The following STRBP variants were observed in gnomAD, a reference collection of about 807,000 sequenced individuals.
The protein encoded by STRBP is spermatid perinuclear RNA-binding protein.
In STRBP, 13 loss-of-function variants were observed where a neutral mutation model predicts 80.1. The ratio of observed to expected loss-of-function variants is 0.16; its 90% CI spans 0.11 to 0.26. STRBP has a LOEUF of 0.26. Among genes scored for constraint, STRBP ranks in the 10% least tolerant of loss-of-function variants. The pLI, the probability that STRBP is intolerant of heterozygous loss-of-function variation, is 1.00. For missense variants in STRBP, 485 were observed against 815.2 expected, an observed-to-expected ratio of 0.59 and a Z score of 4.93; for synonymous variants, 284 against 291.2, an observed-to-expected ratio of 0.98 and a Z score of 0.25.
At chr9:123,185,817 A>G (rs573940968) in intron 2 of STRBP, among the ~76,000 whole-genome samples, 25 of 152,260 alleles carry the variant, frequency 1.6e-4, no homozygotes, top group Admixed American at 9.8e-4. Flanking sequence ...GTTCTAGACC[A>G]TCCTGGCTAA....
At chr9:123,202,806 T>G (rs1398495368) in intron 2 of STRBP, among the ~76,000 whole-genome samples, 1 of 152,170 alleles carries the variant, frequency 6.6e-6, no homozygotes, top group Non-Finnish European at 1.5e-5. Flanking sequence ...ACATCACACC[T>G]ACTCCATAAA....
chr9:123,114,909 C>T (rs965512140), intron 3 of STRBP: 3 of 305,438 alleles, frequency 9.8e-6, no homozygotes, highest in Non-Finnish European at 2.0e-5. Flanking sequence ...GCCATTCCTG[C>T]CTCTCCATCC....
intron 1 of STRBP, among the ~76,000 whole-genome samples, chr9:123,247,635 T>C (rs940356987): frequency 2.6e-5 from 4 of 152,168 alleles, no homozygotes; most frequent in Non-Finnish European, 5.9e-5. Flanking sequence ...AGTTTTCTCA[T>C]TTATAAAATG....
chr9:123,223,378 T>A (rs925893465), intron 2 of STRBP, among the ~76,000 whole-genome samples: 2 of 152,156 alleles, frequency 1.3e-5, no homozygotes, highest in Non-Finnish European at 2.9e-5. Flanking sequence ...CATATCAATA[T>A]TTGCTCATTA....
At chr9:123,210,030 A>G (rs2039654092) in intron 2 of STRBP, among the ~76,000 whole-genome samples, 1 of 152,198 alleles carries the variant, frequency 6.6e-6, no homozygotes, top group African/African-American at 2.4e-5. Flanking sequence ...CTTTTAAGAG[A>G]GGCTTATTTT....
At chr9:123,184,055 C>T (rs2038601113) in intron 3 of STRBP, 77 bp downstream of exon 3, 3 of 1,449,028 alleles carry the variant, frequency 2.1e-6, no homozygotes, top group Middle Eastern at 1.9e-4. Context: ...TTCATTTGCC[C>T]TCACTGTTAA....
intron 2 of STRBP, among the ~76,000 whole-genome samples, chr9:123,193,122 C>T: frequency 6.6e-6 from 1 of 152,192 alleles, no homozygotes; most frequent in East Asian, 1.9e-4. Flanking sequence ...CCTAATACTT[C>T]AGTTTATATA....
chr9:123,181,787 C>A (rs2038468833), intron 3 of STRBP, among the ~76,000 whole-genome samples: 1 of 35,940 alleles, frequency 2.8e-5, no homozygotes, highest in African/African-American at 1.3e-4. Context: ...GCAACAAGAG[C>A]AAAACTTCGT....
intron 17 of STRBP, among the ~76,000 whole-genome samples, chr9:123,129,571 G>A (rs1431553814): frequency 1.3e-5 from 2 of 152,046 alleles, no homozygotes; most frequent in African/African-American, 2.4e-5. Context: ...TCACCCTTGA[G>A]AACAGGATCA....
At chr9:123,209,702 T>C (rs770870680) in intron 2 of STRBP, among the ~76,000 whole-genome samples, 13 of 152,280 alleles carry the variant, frequency 8.5e-5, no homozygotes, top group Non-Finnish European at 1.5e-4. Flanking sequence ...AGTGCATACA[T>C]GGAAGTGACA....
At chr9:123,175,455 G>A (rs978990527) in intron 4 of STRBP, among the ~76,000 whole-genome samples, 1 of 152,146 alleles carries the variant, frequency 6.6e-6, no homozygotes, top group African/African-American at 2.4e-5. Flanking sequence ...AACTAGAAAG[G>A]AAGATAAATA....
chr9:123,165,010 C>T (rs1462326321), intron 6 of STRBP, among the ~76,000 whole-genome samples: 1 of 152,104 alleles, frequency 6.6e-6, no homozygotes, highest in East Asian at 1.9e-4. Flanking sequence ...TGACCGGGCA[C>T]GGTGGCTCAC....
intron 10 of STRBP, 92 bp from the exon 11 acceptor site, chr9:123,158,215 A>C: frequency 4.8e-6 from 7 of 1,471,186 alleles, no homozygotes; most frequent in Non-Finnish European, 5.7e-6. Flanking sequence ...ATAAATTCTG[A>C]CATTATAACA....
At chr9:123,265,223 CCGAT>C (rs1476202567) in intron 1 of STRBP, among the ~76,000 whole-genome samples, 1 of 151,872 alleles carries the variant, frequency 6.6e-6, no homozygotes, top group Non-Finnish European at 1.5e-5. Flanking sequence ...TTAACGGATT[CCGAT>C]TACTTAAAAT....
chr9:123,145,694 G>A (rs74852985), intron 13 of STRBP, among the ~76,000 whole-genome samples: 2,152 of 152,158 alleles, frequency 0.014, 53 homozygotes, highest in African/African-American at 0.049. Flanking sequence ...CTAAACTTGT[G>A]ACACATTCTC....
intron 2 of STRBP, among the ~76,000 whole-genome samples, chr9:123,196,193 C>G (rs577549998): frequency 6.6e-6 from 1 of 152,054 alleles, no homozygotes; most frequent in East Asian, 1.9e-4. Context: ...GGAAATTAGA[C>G]CCCTATCTTT....
intron 1 of STRBP, among the ~76,000 whole-genome samples, chr9:123,268,186 C>T (rs2132671415): frequency 6.6e-6 from 1 of 152,030 alleles, no homozygotes; most frequent in South Asian, 2.1e-4. Flanking sequence ...AGGAAGGCTG[C>T]CCGCTGCCCT....
rs1445019620 is a variant in STRBP, at chr9:123,126,768, A to AGT, written c.1943-1096_1943-1095insAC. On this transcript the variant is annotated intron_variant, in intron 18 of 18. Coordinates refer to ENST00000348403, the MANE Select transcript of STRBP (RefSeq NM_018387.5). The surrounding 1 kb of genome is among the most constrained non-coding windows in gnomAD (Gnocchi z 4.4). Reference sequence around the variant, plus strand: ...CGGCAGATGTTTTGGCACTTATACAAGACATAGTACAGTGAGTCTAGTGAG... The same window carrying AGT: ...CGGCAGATGTTTTGGCACTTATACAAGTGACATAGTACAGTGAGTCTAGTGAG... 2.6e-4 allele frequency among the ~76,000 whole-genome samples: 39 copies of AGT among 152,350 alleles called. No homozygotes were observed. The highest frequency in any genetic ancestry group is 3.4e-3 in the Middle Eastern group (1 of 294).
chr9:123,134,801 C>A (rs2036287572), intron 16 of STRBP, among the ~76,000 whole-genome samples: 2 of 152,014 alleles, frequency 1.3e-5, no homozygotes, highest in African/African-American at 4.8e-5. Context: ...GGAAAAAACA[C>A]CATAAAACAA....
Sources: allele counts gnomAD v4.1 joint callset (sites outside exome capture counted in the v4.1 genomes callset), GRCh38; gene constraint gnomAD v4.1.1; non-coding constraint Gnocchi (gnomAD v3.1); transcripts MANE v1.5; gene names NCBI Gene and HGNC (gene_info 2026-07-23, HGNC 2026-07-21).